SPAG9: variants seen among roughly 807,000 people sequenced by gnomAD.
The protein encoded by SPAG9 is C-Jun-amino-terminal kinase-interacting protein 4.
A neutral mutation model predicts 166.5 loss-of-function variants in SPAG9; 35 were observed. That is an observed-to-expected ratio of 0.21 (90% CI 0.16 to 0.28). The LOEUF (loss-of-function observed/expected upper bound fraction) is 0.28, where lower values mean the gene tolerates loss of function less well. SPAG9 is among the 10% of genes least tolerant of loss of function. The probability of loss-of-function intolerance (pLI) is 1.00; values close to 1 mark genes in which losing one functional copy is unlikely to be tolerated. For missense variants in SPAG9, 1,235 were observed against 1,603.3 expected (o/e 0.77, Z 3.92); for synonymous variants, 534 against 565.5 (o/e 0.94, Z 0.79).
chr17:51,012,112 T>C (rs913734857), intron 9 of SPAG9, among the ~76,000 whole-genome samples: 3 of 152,230 alleles, frequency 2.0e-5, no homozygotes, highest in African/African-American at 7.2e-5. Flanking sequence ...CTGCACTGAA[T>C]ATACATTTTA....
intron 18 of SPAG9, among the ~76,000 whole-genome samples, chr17:50,994,738 G>C (rs915655580): frequency 2.0e-5 from 3 of 152,152 alleles, no homozygotes; most frequent in African/African-American, 7.2e-5. Context: ...GATAGAGTGA[G>C]ACTCTGTCTC....
At chr17:51,104,144 T>A (rs2048877396) in intron 1 of SPAG9, among the ~76,000 whole-genome samples, 1 of 152,004 alleles carries the variant, frequency 6.6e-6, no homozygotes, top group Non-Finnish European at 1.5e-5. Flanking sequence ...GAGAACCAGG[T>A]TTGGGAAATA....
At chr17:51,018,866 C>G (rs1465088753) in intron 8 of SPAG9, among the ~76,000 whole-genome samples, 2 of 152,188 alleles carry the variant, frequency 1.3e-5, no homozygotes, top group South Asian at 4.1e-4. Context: ...ACTTCCTTCA[C>G]TCCCGCTTCT....
intron 2 of SPAG9, among the ~76,000 whole-genome samples, chr17:51,061,623 A>C (rs2047520702): frequency 6.6e-6 from 1 of 150,748 alleles, no homozygotes; most frequent in African/African-American, 2.4e-5. Flanking sequence ...AAAAAAAAAA[A>C]AAAAAAAAAA....
Position 51,120,661 on chromosome 17 carries a change from G to A in SPAG9, c.-5C>T, listed in dbSNP as rs977894336. 9.5e-6 allele frequency: 15 copies of A among 1,580,212 alleles called. No homozygotes were observed. The highest frequency in any genetic ancestry group is 1.1e-5 in the Non-Finnish European group (13 of 1,164,042). On this transcript the variant is annotated 5_prime_UTR_variant, in exon 1 of 30. Transcript: ENST00000262013. This position sits in a 1 kb window ranked among gnomAD's most constrained non-coding sequence, Gnocchi z 4.7. ...CACACCGTCCTCCAGCTCCATGGTG[G>A]CAAGCGGACGGGCGGGCGGCCCGGG...
chr17:51,056,268 A>G (rs1266356853), intron 3 of SPAG9, 144 bp downstream of exon 3: 3 of 646,126 alleles, frequency 4.6e-6, no homozygotes, highest in Non-Finnish European at 8.2e-6. Flanking sequence ...ATGCCACATG[A>G]AATTTAATGT....
chr17:51,089,657 TATATATACAC>T (rs2048407840), intron 1 of SPAG9, among the ~76,000 whole-genome samples: 3 of 105,068 alleles, frequency 2.9e-5, no homozygotes, highest in Admixed American at 1.0e-4. Context: ...TATATATATA[TATATATACAC>T]ATACACACAC....
chr17:50,978,425 AT>A (rs1187705907), intron 26 of SPAG9, among the ~76,000 whole-genome samples: 1 of 152,160 alleles, frequency 6.6e-6, no homozygotes, highest in Non-Finnish European at 1.5e-5. Flanking sequence ...CAGTTCAATC[AT>A]TTTTCATGAA....
At chr17:51,107,698 T>C (rs1218283578) in intron 1 of SPAG9, among the ~76,000 whole-genome samples, 2 of 149,828 alleles carry the variant, frequency 1.3e-5, no homozygotes, top group Non-Finnish European at 3.0e-5. Context: ...GATCATGCCA[T>C]TGCACTCCAG....
intron 9 of SPAG9, chr17:51,009,056 C>T: frequency 2.5e-6 from 1 of 405,738 alleles, no homozygotes; most frequent in South Asian, 1.9e-5. Flanking sequence ...GATGAGAAAG[C>T]ATTAGATGAG....
intron 4 of SPAG9, chr17:51,042,412 A>G (rs1250825665): frequency 2.6e-5 from 4 of 152,222 alleles, no homozygotes; most frequent in African/African-American, 9.6e-5. Flanking sequence ...GTTGATGCAC[A>G]CAAGATTCCA....
chr17:50,990,557 C>A lies in SPAG9; in HGVS notation c.2510G>T (p.Ser837Ile), dbSNP rs759140033. Residue 837 changes from serine (S) to isoleucine (I), a missense_variant, in exon 20 of 30, where the codon AGC becomes ATC. This residue lies in a region of SPAG9 where 493 missense variants were observed against 559.4 expected (regional missense o/e 0.88). Transcript: ENST00000262013. ...MTSNSSAETD[S>I]LLGGITVVGC... ...AACCACTGTGATGCCTCCTAACAGG[C>A]TGTCTGTCTCTGCTGAGCTGTTGCT... The A allele has an allele frequency of 6.2e-7, 1 of 1,614,188 alleles. No individual in the cohort carries two copies.
intron 19 of SPAG9, among the ~76,000 whole-genome samples, chr17:50,992,427 T>C (rs1455165422): frequency 6.6e-6 from 1 of 152,162 alleles, no homozygotes; most frequent in Non-Finnish European, 1.5e-5. Flanking sequence ...TCCCAATACT[T>C]CGGGAGGCCA....
intron 8 of SPAG9, among the ~76,000 whole-genome samples, chr17:51,019,619 G>A (rs1337077304): frequency 1.3e-5 from 2 of 151,670 alleles, no homozygotes; most frequent in South Asian, 2.1e-4. Flanking sequence ...TTGGGAGGCC[G>A]AGGCGGGTGG....
intron 2 of SPAG9, among the ~76,000 whole-genome samples, chr17:51,069,301 G>C (rs1426276685): frequency 2.6e-5 from 4 of 151,814 alleles, no homozygotes; most frequent in African/African-American, 9.7e-5. Flanking sequence ...AACTAAAGTG[G>C]AAAAAGTGTC....
intron 1 of SPAG9, among the ~76,000 whole-genome samples, chr17:51,095,309 A>G (rs1367154818): frequency 7.0e-6 from 1 of 143,870 alleles, no homozygotes; most frequent in Non-Finnish European, 1.5e-5. Flanking sequence ...AAAAAAAAAA[A>G]AAAAAAAAAA....
chr17:51,014,124 C>A (rs910071887), intron 9 of SPAG9, 108 bp downstream of exon 9: 89 of 913,944 alleles, frequency 9.7e-5, no homozygotes, highest in Non-Finnish European at 1.4e-4. Context: ...AGGGCAATAA[C>A]CCTGTATCAC....
chr17:51,057,534 C>T (rs931171110), intron 2 of SPAG9, among the ~76,000 whole-genome samples: 2 of 152,098 alleles, frequency 1.3e-5, no homozygotes, highest in South Asian at 4.1e-4. Flanking sequence ...GTTTTATATG[C>T]CTCCTAGTAT....
intron 1 of SPAG9, among the ~76,000 whole-genome samples, chr17:51,096,229 G>C (rs1407229135): frequency 2.0e-5 from 3 of 151,216 alleles, no homozygotes; most frequent in African/African-American, 7.3e-5. Flanking sequence ...TGCACTTGTA[G>C]TCCCAGCTAC....
Sources: gnomAD v4.1 joint callset for allele counts (sites outside exome capture counted in the v4.1 genomes callset) on GRCh38, gnomAD v4.1.1 for gene constraint, gnomAD v4.1.1 regional missense constraint, Gnocchi (gnomAD v3.1) non-coding constraint, MANE v1.5 for transcripts, NCBI Gene and HGNC (gene_info 2026-07-23, HGNC 2026-07-21) for gene names.